Variants in FOXP1 observed in about 807,000 individuals in gnomAD.
FOXP1 encodes forkhead box protein P1.
In FOXP1, 15 loss-of-function variants were observed where a neutral mutation model predicts 98.2. That is an observed-to-expected ratio of 0.15 (90% CI 0.10 to 0.24). FOXP1 has a LOEUF of 0.24. Among genes scored for constraint, FOXP1 ranks in the 10% least tolerant of loss-of-function variants. FOXP1 has a pLI of 1.00. For missense variants in FOXP1, 633 were observed against 848.5 expected (o/e 0.75, Z 3.15); for synonymous variants, 371 against 314.5 (o/e 1.18, Z -1.90).
chr3:71,232,077 T>C (rs959879857), intron 5 of FOXP1, among the ~76,000 whole-genome samples: 9 of 152,210 alleles, frequency 5.9e-5, no homozygotes, highest in African/African-American at 1.9e-4. Flanking sequence ...AGGTCACATC[T>C]GAAGAAAGAG....
At chr3:71,022,541 T>C (rs2045583619) in intron 11 of FOXP1, among the ~76,000 whole-genome samples, 2 of 152,320 alleles carry the variant, frequency 1.3e-5, no homozygotes, top group South Asian at 4.1e-4. Context: ...TGAAAAACCT[T>C]TGCAGAATGA....
chr3:71,106,854 G>A (rs899344507), intron 7 of FOXP1, among the ~76,000 whole-genome samples: 3 of 150,134 alleles, frequency 2.0e-5, no homozygotes, highest in Non-Finnish European at 4.4e-5. Context: ...GCTCATTGTA[G>A]CCTCTACCTC....
In FOXP1 at chr3:71,411,278, CGTGTGTGTGTGTGTGTGTGTGT is replaced by C. The variant is rs58267668; in HGVS notation, c.-167-52056_-167-52035del. Among the ~76,000 whole-genome samples the C allele has an allele frequency of 2.0e-3, 288 of 141,784 alleles. 2 individuals carry two copies. The highest frequency in any genetic ancestry group is 3.7e-3 in the Admixed American group (53 of 14,258). The allele number at this position is 141,784 out of a possible 152,430, so 93.0% of individuals were successfully genotyped here. A position where few individuals can be genotyped will look rare whatever the true frequency, so the allele number is the denominator to read the frequency against. ...GGACTTAAACCAGAGGCTGAATGGGCGTGTGTGTGTGTGTGTGTGTGTGTGTGTGTGTGTGTGTGTATGTGTG... is the reference window on the plus strand; with the variant it reads ...GGACTTAAACCAGAGGCTGAATGGGCGTGTGTGTGTGTGTGTGTATGTGTG... On this transcript the variant is annotated intron_variant, in intron 3 of 20. Transcript: ENST00000649528.
At chr3:71,478,811 C>T (rs1374519680) in intron 3 of FOXP1, among the ~76,000 whole-genome samples, 2 of 152,166 alleles carry the variant, frequency 1.3e-5, no homozygotes, top group Non-Finnish European at 2.9e-5. Flanking sequence ...CATGGTGAGG[C>T]ACCATGTTCA....
chr3:71,182,500 A>ATG (rs201090847), intron 6 of FOXP1, among the ~76,000 whole-genome samples: 30,807 of 137,538 alleles, frequency 0.22, 3,912 homozygotes, highest in Middle Eastern at 0.37. Context: ...TAAACTATAT[A>ATG]TATGTGTGTG....
At chr3:71,530,016 G>A in intron 2 of FOXP1, among the ~76,000 whole-genome samples, 1 of 152,118 alleles carries the variant, frequency 6.6e-6, no homozygotes. Context: ...CAGTCTAGTG[G>A]GGCCGAGCCC....
At chr3:71,531,876 G>A (rs1005952910) in intron 2 of FOXP1, among the ~76,000 whole-genome samples, 4 of 152,148 alleles carry the variant, frequency 2.6e-5, no homozygotes, top group East Asian at 3.9e-4. Context: ...AGTGGAGGAC[G>A]CATGAAATTT....
At chr3:71,413,852 G>A (rs1014878758) in intron 3 of FOXP1, among the ~76,000 whole-genome samples, 9 of 151,862 alleles carry the variant, frequency 5.9e-5, no homozygotes, top group Non-Finnish European at 1.0e-4. Context: ...TTTTCCCCTC[G>A]TTACCTGTAG....
chr3:71,455,142 G>A lies in FOXP1; in HGVS notation c.-168+38284C>T, dbSNP rs571475747. On this transcript the variant is annotated intron_variant, in intron 3 of 20. Transcript: ENST00000649528. ...TTTAAAAGGAAATGTGTGCATTCTC[G>A]GTAACACATGCATTCACACATGCTT... Among the ~76,000 whole-genome samples, 6 of 151,934 alleles carry A rather than the reference G, an allele frequency of 3.9e-5. No homozygotes were observed. In the East Asian group the frequency reaches 7.7e-4, roughly 20 times the overall value.
chr3:71,501,297 T>TCTC (rs200259372), intron 2 of FOXP1, among the ~76,000 whole-genome samples: 2 of 148,338 alleles, frequency 1.3e-5, no homozygotes, highest in Non-Finnish European at 3.0e-5. Context: ...GCTTTTCTTT[T>TCTC]TTTTTTTTTT....
intron 20 of FOXP1, among the ~76,000 whole-genome samples, chr3:70,961,286 A>G (rs2033419444): frequency 6.6e-6 from 1 of 152,138 alleles, no homozygotes; most frequent in East Asian, 1.9e-4. Context: ...GCTGGAGTGC[A>G]GTGGCAGGAT....
upstream of FOXP1, chr3:71,583,945 C>G (rs886058869): frequency 1.7e-3 from 1,642 of 983,780 alleles, 3 homozygotes; most frequent in Non-Finnish European, 1.9e-3. Flanking sequence ...CGAGCGGGAG[C>G]GGCTCCCTCT....
intron 18 of FOXP1, chr3:70,971,802 G>A: frequency 2.4e-6 from 1 of 410,158 alleles, no homozygotes; most frequent in Non-Finnish European, 4.3e-6. Context: ...ACGAATATTT[G>A]CATTAAAGAC....
At chr3:71,191,530 T>C (rs116760853) in intron 6 of FOXP1, among the ~76,000 whole-genome samples, 1,863 of 152,348 alleles carry the variant, frequency 0.012, 30 homozygotes, top group African/African-American at 0.041. Flanking sequence ...TTTTGCTTCT[T>C]GTGCCATTTT....
intron 5 of FOXP1, among the ~76,000 whole-genome samples, chr3:71,264,670 T>C (rs1461548352): frequency 6.6e-6 from 1 of 152,202 alleles, no homozygotes; most frequent in Non-Finnish European, 1.5e-5. Flanking sequence ...TCATCTGTCT[T>C]CTACTCTGAG....
At chr3:71,143,117 T>C (rs537934123) in intron 6 of FOXP1, among the ~76,000 whole-genome samples, 6 of 152,288 alleles carry the variant, frequency 3.9e-5, no homozygotes, top group Middle Eastern at 3.4e-3. Flanking sequence ...GAGGGACGTC[T>C]TGGGAAAACA....
At chr3:71,258,397 T>C (rs553054140) in intron 5 of FOXP1, among the ~76,000 whole-genome samples, 11 of 152,126 alleles carry the variant, frequency 7.2e-5, no homozygotes, top group Non-Finnish European at 1.3e-4. Flanking sequence ...AGTTCAAGGG[T>C]AGGGCAAACA....
At chr3:71,555,585 C>T (rs1463582002) in intron 2 of FOXP1, among the ~76,000 whole-genome samples, 1 of 152,186 alleles carries the variant, frequency 6.6e-6, no homozygotes, top group African/African-American at 2.4e-5. Flanking sequence ...GCCCATGGCA[C>T]CCCCATTAGA....
At chr3:71,130,433 G>T in intron 6 of FOXP1, 2 of 1,514,048 alleles carry the variant, frequency 1.3e-6, no homozygotes, top group Non-Finnish European at 1.8e-6. Flanking sequence ...GTCTGCACAA[G>T]AACGGATCCC....
Sources: gnomAD v4.1 joint callset for allele counts (sites outside exome capture counted in the v4.1 genomes callset) on GRCh38, gnomAD v4.1.1 for gene constraint, MANE v1.5 for transcripts, NCBI Gene and HGNC (gene_info 2026-07-23, HGNC 2026-07-21) for gene names.